The following GAPVD1 variants were observed in gnomAD, a reference collection of about 807,000 sequenced individuals.
The protein encoded by GAPVD1 is GTPase activating protein and VPS9 domains 1.
Under a neutral mutation model 155.5 loss-of-function variants are expected in GAPVD1, and 35 were observed. That is an observed-to-expected ratio of 0.23 (90% CI 0.17 to 0.30). The LOEUF (loss-of-function observed/expected upper bound fraction) is 0.30, where lower values mean the gene tolerates loss of function less well. Among genes scored for constraint, GAPVD1 ranks in the 10% least tolerant of loss-of-function variants. The pLI is 1.00. For missense variants in GAPVD1, 1,429 were observed against 1,775.7 expected (o/e 0.80, Z 3.51); for synonymous variants, 636 against 619.7 (o/e 1.03, Z -0.39).
Position 125,360,647 on chromosome 9 carries a change from C to A in GAPVD1, c.4164C>A (p.Asn1388Lys), listed in dbSNP as rs369396204. 9.3e-6 allele frequency: 15 copies of A among 1,613,988 alleles called. No homozygotes were observed. Among genetic ancestry groups the A allele is most frequent in the Non-Finnish European group, 1.2e-5 (14 of 1,179,890 alleles). Residue 1388 changes from asparagine (N) to lysine (K), a missense_variant, in exon 27 of 28, where the codon AAC becomes AAA. By Grantham distance (94) the Asn-to-Lys change is moderately conservative. Transcript: ENST00000297933. Reference sequence around the variant, plus strand: ...TGAGAATGTGCTCTACGATTATGAACCTCCTGAGCCTGGCCAATGAGGACT... The same window carrying A: ...TGAGAATGTGCTCTACGATTATGAAACTCCTGAGCCTGGCCAATGAGGACT... Reference protein sequence around the residue: ...CILRMCSTIMNLLSLANEDSV... With the variant: ...CILRMCSTIMKLLSLANEDSV...
chr9:125,267,589 A>G (rs1300941992), intron 1 of GAPVD1, among the ~76,000 whole-genome samples: 1 of 151,954 alleles, frequency 6.6e-6, no homozygotes, highest in Non-Finnish European at 1.5e-5. Context: ...TTGTATTTTT[A>G]GTAGAGACGG....
chr9:125,270,114 A>T (rs1487134137), intron 2 of GAPVD1, among the ~76,000 whole-genome samples: 1 of 152,100 alleles, frequency 6.6e-6, no homozygotes, highest in Non-Finnish European at 1.5e-5. Context: ...GATTTCTGGT[A>T]ACTAAGATTA....
chr9:125,335,006 G>A (rs1199686950), intron 15 of GAPVD1, among the ~76,000 whole-genome samples: 1 of 152,130 alleles, frequency 6.6e-6, no homozygotes, highest in Non-Finnish European at 1.5e-5. Context: ...ATTTAGCAGA[G>A]GACAAAAAGT....
intron 17 of GAPVD1, among the ~76,000 whole-genome samples, chr9:125,337,880 G>GT (rs1365576516): frequency 1.3e-5 from 2 of 152,096 alleles, no homozygotes; most frequent in African/African-American, 2.4e-5. Flanking sequence ...TAGATGAGTT[G>GT]TTTTTTGTTT....
At chr9:125,327,541 C>T (rs906518190) in intron 12 of GAPVD1, among the ~76,000 whole-genome samples, 1 of 151,896 alleles carries the variant, frequency 6.6e-6, no homozygotes, top group Non-Finnish European at 1.5e-5. Context: ...CTTACTCTGT[C>T]GCCCAGGCTG....
chr9:125,356,147 T>G (rs1363340844), intron 25 of GAPVD1, among the ~76,000 whole-genome samples: 1 of 152,228 alleles, frequency 6.6e-6, no homozygotes. Flanking sequence ...TAAGTCTTAC[T>G]TATGCTTCAG....
chr9:125,338,421 A>T (rs1174189869), intron 17 of GAPVD1, among the ~76,000 whole-genome samples: 1 of 152,178 alleles, frequency 6.6e-6, no homozygotes, highest in Non-Finnish European at 1.5e-5. Flanking sequence ...CATGTGTCCC[A>T]GTTGTCCCTG....
At chr9:125,325,079 G>A (rs910367478) in intron 11 of GAPVD1, among the ~76,000 whole-genome samples, 12 of 151,994 alleles carry the variant, frequency 7.9e-5, no homozygotes, top group Non-Finnish European at 1.3e-4. Context: ...ACAAAAATTA[G>A]CCAGGTGAGG....
intron 2 of GAPVD1, among the ~76,000 whole-genome samples, chr9:125,293,505 A>G (rs1166813926): frequency 1.4e-5 from 2 of 145,616 alleles, no homozygotes; most frequent in South Asian, 4.3e-4. Context: ...GCTGGAGTGC[A>G]TTGGTGTGAT....
intron 23 of GAPVD1, 100 bp from the exon 24 acceptor site, chr9:125,354,554 C>T: frequency 1.4e-6 from 1 of 719,670 alleles, no homozygotes; most frequent in Non-Finnish European, 2.4e-6. Flanking sequence ...TAAAACCAGT[C>T]TGTGCAGTAA....
chr9:125,344,024 A>T (rs1457151875), intron 19 of GAPVD1, among the ~76,000 whole-genome samples: 1 of 152,224 alleles, frequency 6.6e-6, no homozygotes, highest in Non-Finnish European at 1.5e-5. Flanking sequence ...ACTAGAAGCT[A>T]AGTAGAGTAG....
chr9:125,334,367 T>C (rs1846561331), intron 15 of GAPVD1, among the ~76,000 whole-genome samples: 1 of 152,164 alleles, frequency 6.6e-6, no homozygotes, highest in South Asian at 2.1e-4. Flanking sequence ...TATACACCTT[T>C]TTAATATTCT....
intron 20 of GAPVD1, among the ~76,000 whole-genome samples, chr9:125,348,957 A>C (rs961709658): frequency 2.0e-5 from 3 of 152,198 alleles, no homozygotes; most frequent in Non-Finnish European, 4.4e-5. Context: ...CCCATAGTCA[A>C]CCTTGGCCAT....
At chr9:125,280,300 G>A (rs1277236104) in intron 2 of GAPVD1, among the ~76,000 whole-genome samples, 3 of 149,416 alleles carry the variant, frequency 2.0e-5, no homozygotes, top group African/African-American at 7.4e-5. Flanking sequence ...GGAGGCTGAG[G>A]CAGGAGAATC....
intron 8 of GAPVD1, chr9:125,308,870 A>G (rs1403768058): frequency 6.6e-6 from 1 of 152,198 alleles, no homozygotes; most frequent in East Asian, 1.9e-4. Context: ...CTGAGGAGAT[A>G]AATATGAGGG....
intron 12 of GAPVD1, among the ~76,000 whole-genome samples, chr9:125,329,102 G>A (rs1444960443): frequency 6.6e-6 from 1 of 152,134 alleles, no homozygotes; most frequent in Non-Finnish European, 1.5e-5. Flanking sequence ...CCGCATGAGA[G>A]GGAGACCGTG....
chr9:125,307,586 T>A, intron 7 of GAPVD1, 39 bp downstream of exon 7: 3 of 1,595,686 alleles, frequency 1.9e-6, no homozygotes, highest in Non-Finnish European at 2.6e-6. Context: ...CTCGAAAGTC[T>A]TTTAGCTAAG....
At chr9:125,342,468 C>T (rs546178916) in intron 19 of GAPVD1, among the ~76,000 whole-genome samples, 169 bp downstream of exon 19, 1 of 152,164 alleles carries the variant, frequency 6.6e-6, no homozygotes, top group Non-Finnish European at 1.5e-5. Context: ...CCACAGTAAA[C>T]CTGTGTGCTC....
At chr9:125,337,732 C>A in intron 17 of GAPVD1, 141 bp downstream of exon 17, 1 of 881,072 alleles carries the variant, frequency 1.1e-6, no homozygotes. Flanking sequence ...ATCTATGGGC[C>A]CACAACCATA....
Sources: gnomAD v4.1 joint callset for allele counts (sites outside exome capture counted in the v4.1 genomes callset) on GRCh38, gnomAD v4.1.1 for gene constraint, MANE v1.5 for transcripts, NCBI Gene and HGNC (gene_info 2026-07-23, HGNC 2026-07-21) for gene names.